The following RAPGEF2 variants were observed in gnomAD, a reference collection of about 807,000 sequenced individuals.
The protein encoded by RAPGEF2 is PDZ domain containing guanine nucleotide exchange factor (GEF) 1.
A neutral mutation model predicts 186.7 loss-of-function variants in RAPGEF2; 54 were observed. The ratio of observed to expected loss-of-function variants is 0.29; its 90% CI spans 0.23 to 0.36. RAPGEF2 has a LOEUF of 0.36. RAPGEF2 is among the 10% of genes least tolerant of loss of function. The pLI is 1.00. For missense variants in RAPGEF2, 1,532 were observed against 2,045.0 expected (o/e 0.75, Z 4.84); for synonymous variants, 712 against 705.9 (o/e 1.01, Z -0.14).
chr4:159,110,999 C>G (rs755893735), intron 1 of RAPGEF2, among the ~76,000 whole-genome samples: 11 of 151,770 alleles, frequency 7.2e-5, no homozygotes, highest in South Asian at 2.1e-4. Context: ...ATTTTGACTT[C>G]TAGAATTTTT....
chr4:159,104,089 A>C lies in RAPGEF2; in HGVS notation c.-74A>C. 6.1e-6 allele frequency: 6 copies of C among 977,204 alleles called. No homozygotes were observed. Among genetic ancestry groups the C allele is most frequent in the Non-Finnish European group, 8.1e-6 (6 of 740,962 alleles). The allele number at this position is 977,204 out of a possible 1,614,324, so 60.5% of individuals were successfully genotyped here. ...CGGGCGGGCGCAGCGCGCAGGGCGG[A>C]GGCAGCAGCGGCGCTGGGCCGGGAG... On this transcript the variant is annotated 5_prime_UTR_variant, in exon 1 of 30. Coordinates refer to ENST00000691494, the MANE Select transcript of RAPGEF2 (RefSeq NM_001394067.2).
At chr4:159,251,756 G>GTCTGTAAAATGGACCAATCAGCTC (rs1412628180) in intron 7 of RAPGEF2, among the ~76,000 whole-genome samples, 2 of 151,898 alleles carry the variant, frequency 1.3e-5, no homozygotes, top group Non-Finnish European at 2.9e-5. Context: ...CCAATCAGCT[G>GTCTGTAAAATGGACCAATCAGCTC]TCTGTAAAAT....
intron 4 of RAPGEF2, among the ~76,000 whole-genome samples, chr4:159,228,781 T>C (rs545342088): frequency 6.6e-6 from 1 of 152,208 alleles, no homozygotes; most frequent in Admixed American, 6.5e-5. Context: ...AACATAGCTG[T>C]TACTTTTTTG....
At chr4:159,338,100 CAAACAA>C (rs1419782890) in intron 17 of RAPGEF2, among the ~76,000 whole-genome samples, 1 of 151,372 alleles carries the variant, frequency 6.6e-6, no homozygotes, top group Non-Finnish European at 1.5e-5. Flanking sequence ...TAAAAACAAA[CAAACAA>C]AAACAAAAAA....
chr4:159,296,904 G>A (rs1157016297), intron 7 of RAPGEF2, among the ~76,000 whole-genome samples: 1 of 152,152 alleles, frequency 6.6e-6, no homozygotes, highest in Non-Finnish European at 1.5e-5. Flanking sequence ...CCTCCTAAAA[G>A]TATTTGCTTT....
intron 27 of RAPGEF2, 37 bp downstream of exon 27, chr4:159,352,947 CTT>C (rs1731413588): frequency 1.3e-6 from 2 of 1,504,126 alleles, no homozygotes; most frequent in Non-Finnish European, 1.8e-6. Flanking sequence ...TGAATTTATC[CTT>C]CCATCTCTGT....
rs979046372 is a variant in RAPGEF2 at position 159,108,792 on chromosome 4, C to T, written c.69+4561C>T. Among the ~76,000 whole-genome samples the T allele has an allele frequency of 5.9e-5, 9 of 152,256 alleles. No homozygotes were observed. The South Asian group carries it at 1.5e-3, about 25-fold the overall frequency. On this transcript the variant is annotated intron_variant, in intron 1 of 29. Coordinates refer to ENST00000691494, the MANE Select transcript of RAPGEF2 (RefSeq NM_001394067.2). ...AGGGTCTTGCTTTGTTGCCCGGGCT[C>T]ACTGCAGCCTCTATCTCCCAGACTC...
intron 1 of RAPGEF2, among the ~76,000 whole-genome samples, chr4:159,185,963 C>T (rs1561058905): frequency 6.6e-6 from 1 of 152,002 alleles, no homozygotes; most frequent in Non-Finnish European, 1.5e-5. Flanking sequence ...ATCCTAGACT[C>T]CTAGATATTA....
intron 3 of RAPGEF2, among the ~76,000 whole-genome samples, chr4:159,204,133 G>T (rs1251263852): frequency 6.6e-6 from 1 of 152,222 alleles, no homozygotes; most frequent in African/African-American, 2.4e-5. Context: ...GGCATGATGC[G>T]CAGTTCCTGC....
At chr4:159,281,363 C>A (rs1490796435) in intron 7 of RAPGEF2, among the ~76,000 whole-genome samples, 1 of 151,846 alleles carries the variant, frequency 6.6e-6, no homozygotes, top group Admixed American at 6.6e-5. Flanking sequence ...GGTCTTACCT[C>A]ACAATATTGT....
Position 159,323,546 on chromosome 4 carries a change from T to A in RAPGEF2, c.1078T>A (p.Phe360Ile). 6.2e-7 allele frequency: 1 copy of A among 1,613,260 alleles called. No individual in the cohort carries two copies. Among genetic ancestry groups the A allele is most frequent in the Middle Eastern group, 1.7e-4 (1 of 6,056 alleles). The part of the protein sequence containing the change: ...KAEILCMGNS[F>I]GVSPTMDKEY... ...AGAAATACTGTGCATGGGAAATAGT[T>A]TTGGTGTCTCTCCTACCATGGACAA... is the stretch of plus-strand genomic sequence containing the variant. The change falls in exon 11 of 30, where the codon TTT becomes ATT. Residue 360 changes from phenylalanine to isoleucine, a missense_variant. Physicochemically the swap from Phe to Ile is conservative, Grantham distance 21. This residue lies in a region of RAPGEF2 where 810 missense variants were observed against 1,210.5 expected (regional missense o/e 0.67). Transcript: ENST00000691494.
intron 7 of RAPGEF2, among the ~76,000 whole-genome samples, chr4:159,276,878 A>T (rs906499457): frequency 6.6e-6 from 1 of 152,202 alleles, no homozygotes; most frequent in Non-Finnish European, 1.5e-5. Context: ...TAACTTTAAA[A>T]TGTCTTCTAG....
chr4:159,104,477 A>G (rs572661178), intron 1 of RAPGEF2, among the ~76,000 whole-genome samples: 10 of 136,402 alleles, frequency 7.3e-5, no homozygotes, highest in Non-Finnish European at 1.2e-4. Flanking sequence ...CTTTCCCACT[A>G]TGTTGCCCAG....
chr4:159,249,470 C>T (rs1755046093), intron 7 of RAPGEF2, among the ~76,000 whole-genome samples: 1 of 151,828 alleles, frequency 6.6e-6, no homozygotes, highest in African/African-American at 2.4e-5. Context: ...ACCTGAAATG[C>T]CTCTCTGTTA....
chr4:159,192,603 A>C (rs1273835294), intron 2 of RAPGEF2, among the ~76,000 whole-genome samples: 1 of 152,204 alleles, frequency 6.6e-6, no homozygotes, highest in Non-Finnish European at 1.5e-5. Context: ...AATATTTAAA[A>C]ATTATTCATG....
chr4:159,319,024 A>G (rs1450850816), intron 9 of RAPGEF2, among the ~76,000 whole-genome samples: 1 of 152,282 alleles, frequency 6.6e-6, no homozygotes, highest in East Asian at 1.9e-4. Context: ...TGTTTCTCCC[A>G]TCCGTGGCTT....
At chr4:159,145,438 G>C (rs1411073363) in intron 1 of RAPGEF2, among the ~76,000 whole-genome samples, 2 of 151,954 alleles carry the variant, frequency 1.3e-5, no homozygotes, top group East Asian at 1.9e-4. Flanking sequence ...CAAAACATGT[G>C]ATCTATATAA....
At chr4:159,314,293 A>C (rs1764288167) in intron 8 of RAPGEF2, among the ~76,000 whole-genome samples, 1 of 152,238 alleles carries the variant, frequency 6.6e-6, no homozygotes, top group Admixed American at 6.5e-5. Context: ...AATGGAGTGA[A>C]AACAAATACT....
At chr4:159,111,020 GAA>G (rs959572652) in intron 1 of RAPGEF2, among the ~76,000 whole-genome samples, 1 of 144,974 alleles carries the variant, frequency 6.9e-6, no homozygotes. Context: ...ATCTTTTCAG[GAA>G]AAAAAAAAAC....
Sources: allele counts gnomAD v4.1 joint callset (sites outside exome capture counted in the v4.1 genomes callset), GRCh38; gene constraint gnomAD v4.1.1; regional missense constraint gnomAD v4.1.1; transcripts MANE v1.5; gene names NCBI Gene and HGNC (gene_info 2026-07-23, HGNC 2026-07-21).